The following DLGAP1 variants were observed in gnomAD, a reference collection of about 807,000 sequenced individuals.
DLGAP1 encodes the protein disks large-associated protein 1.
In DLGAP1, 11 loss-of-function variants were observed where a neutral mutation model predicts 90.8. That is an observed-to-expected ratio of 0.12 (90% CI 0.08 to 0.20). DLGAP1 has a LOEUF of 0.20. Ranked by LOEUF, DLGAP1 falls within the 10% of genes least tolerant of loss-of-function variation. The pLI is 1.00. For synonymous variants in DLGAP1, 558 were observed against 540.7 expected, an observed-to-expected ratio of 1.03 and a Z score of -0.44; for missense variants, 1,050 against 1,333.8, an observed-to-expected ratio of 0.79 and a Z score of 3.31.
At chr18:3,787,332 T>G (rs1318681669) in intron 5 of DLGAP1, among the ~76,000 whole-genome samples, 1 of 151,612 alleles carries the variant, frequency 6.6e-6, no homozygotes, top group Non-Finnish European at 1.5e-5. Flanking sequence ...AATACAAAAC[T>G]TAGCTAGGCG....
chr18:3,499,331 C>G lies in DLGAP1; in HGVS notation c.2788G>C (p.Glu930Gln). 1 of 1,563,396 alleles carries G rather than the reference C, an allele frequency of 6.4e-7. No individual in the cohort carries two copies. The highest frequency in any genetic ancestry group is 8.7e-7 in the Non-Finnish European group (1 of 1,155,002). ...CGCTGCGAGCTCTCCAGCGAGCGCTCCCGGATCAGCGGCGCGGGGCCCTTC... is the reference window on the plus strand; with the variant it reads ...CGCTGCGAGCTCTCCAGCGAGCGCTGCCGGATCAGCGGCGCGGGGCCCTTC... ...PAKGPAPLIR[E>Q]RSLESSQRQE... The change falls in exon 13 of 13, where the codon GAG becomes CAG. Residue 930 changes from glutamate to glutamine, a missense_variant. Physicochemically the swap from Glu to Gln is conservative, Grantham distance 29. Around this residue, in one of 2 missense-constraint regions of DLGAP1, gnomAD observed 565 missense variants for 879.7 expected, o/e 0.64. Coordinates refer to ENST00000315677, the MANE Select transcript of DLGAP1 (RefSeq NM_004746.4). This position sits in a 1 kb window ranked among gnomAD's most constrained non-coding sequence, Gnocchi z 6.4.
chr18:3,903,821 A>G (rs2071837372), intron 3 of DLGAP1, among the ~76,000 whole-genome samples: 1 of 152,228 alleles, frequency 6.6e-6, no homozygotes, highest in Non-Finnish European at 1.5e-5. Context: ...GTTTTGTTTC[A>G]TACCAGATGC....
intron 7 of DLGAP1, among the ~76,000 whole-genome samples, chr18:3,704,310 C>T (rs972689625): frequency 4.6e-5 from 7 of 152,182 alleles, no homozygotes; most frequent in Admixed American, 3.9e-4. Flanking sequence ...GTGGCTCATG[C>T]CTGTAATCCC....
chr18:4,112,665 T>C (rs988243377), intron 2 of DLGAP1, among the ~76,000 whole-genome samples: 5 of 152,186 alleles, frequency 3.3e-5, no homozygotes, highest in African/African-American at 1.2e-4. Flanking sequence ...GTTTGTTACC[T>C]GGGAATATTG....
At chr18:4,385,326 A>G (rs2082208284) in intron 1 of DLGAP1, among the ~76,000 whole-genome samples, 2 of 152,220 alleles carry the variant, frequency 1.3e-5, no homozygotes, top group Non-Finnish European at 2.9e-5. Context: ...ATTTGAGATC[A>G]TAGCTAGTGT....
At chr18:4,354,128 C>G (rs190866577) in intron 1 of DLGAP1, among the ~76,000 whole-genome samples, 113 of 152,290 alleles carry the variant, frequency 7.4e-4, no homozygotes, top group African/African-American at 2.6e-3. Context: ...CTGAAGGGGC[C>G]TCAAAAGCAA....
At chr18:3,893,493 C>T (rs1056355531) in intron 3 of DLGAP1, among the ~76,000 whole-genome samples, 9 of 151,718 alleles carry the variant, frequency 5.9e-5, no homozygotes, top group South Asian at 2.1e-4. Context: ...GTAGGAGAAT[C>T]GCTTGAACCT....
intron 7 of DLGAP1, among the ~76,000 whole-genome samples, chr18:3,643,065 G>A (rs1881735307): frequency 6.6e-6 from 1 of 152,170 alleles, no homozygotes; most frequent in Non-Finnish European, 1.5e-5. Context: ...GATTGTGTGA[G>A]TGAATTATGG....
At chr18:3,661,571 CTTTTT>C (rs10549959) in intron 7 of DLGAP1, among the ~76,000 whole-genome samples, 2 of 125,272 alleles carry the variant, frequency 1.6e-5, no homozygotes, top group African/African-American at 5.7e-5. Context: ...GCTGTAAGGT[CTTTTT>C]TTTTTTTTTT....
chr18:3,580,513 A>G (rs1182557203), intron 8 of DLGAP1: 1 of 1,597,388 alleles, frequency 6.3e-7, no homozygotes, highest in Non-Finnish European at 8.6e-7. Context: ...AGGAGGAGGA[A>G]GAGGAGGCGG....
chr18:4,105,948 C>T (rs1204293610), intron 2 of DLGAP1, among the ~76,000 whole-genome samples: 7 of 142,750 alleles, frequency 4.9e-5, no homozygotes, highest in South Asian at 2.3e-4. Context: ...AGGAGAATGG[C>T]GTGAACCCGG....
chr18:3,879,312 T>C lies in DLGAP1; in HGVS notation c.757A>G (p.Ser253Gly), dbSNP rs772425753. The C allele has an allele frequency of 8.1e-6, 13 of 1,599,996 alleles. No homozygotes were observed. Among genetic ancestry groups the C allele is most frequent in the Non-Finnish European group, 1.7e-6 (2 of 1,172,748 alleles). The change falls in exon 4 of 13, where the codon AGC (serine) becomes GGC (glycine). Residue 253 changes from serine (S) to glycine (G), a missense_variant. Transcript: ENST00000315677. This position sits in a 1 kb window ranked among gnomAD's most constrained non-coding sequence, Gnocchi z 6.6. ...GTGGAGCACTTGACGTCGTTGTTGC[T>C]CCGGGAGGCCTTCACCGCCTGCTCG... is the stretch of plus-strand genomic sequence containing the variant. ...ISEQAVKASRSNNDVKCSTCA... is the reference protein window; with the variant it reads ...ISEQAVKASRGNNDVKCSTCA...
intron 1 of DLGAP1, among the ~76,000 whole-genome samples, chr18:4,348,637 T>C (rs1024427124): frequency 6.6e-6 from 1 of 152,024 alleles, no homozygotes; most frequent in African/African-American, 2.4e-5. Context: ...ATTTTGGGAA[T>C]GGGTAGATAT....
intron 1 of DLGAP1, among the ~76,000 whole-genome samples, chr18:4,166,983 T>C (rs936719839): frequency 3.3e-5 from 5 of 152,226 alleles, no homozygotes; most frequent in Non-Finnish European, 5.9e-5. Flanking sequence ...ATGTACTTCA[T>C]ACCAGTGAAT....
chr18:3,902,857 T>C (rs1235911461), intron 3 of DLGAP1, among the ~76,000 whole-genome samples: 2 of 152,084 alleles, frequency 1.3e-5, no homozygotes, highest in African/African-American at 4.8e-5. Context: ...CTTCCTGGCC[T>C]TGAGCCTTCC....
At chr18:4,048,404 A>G (rs1316771494) in intron 2 of DLGAP1, among the ~76,000 whole-genome samples, 2 of 152,226 alleles carry the variant, frequency 1.3e-5, no homozygotes, top group Non-Finnish European at 1.5e-5. Context: ...ATTCTAAATT[A>G]CTTAGAGTTT....
chr18:4,112,056 G>T (rs2075982814), intron 2 of DLGAP1, among the ~76,000 whole-genome samples: 1 of 151,532 alleles, frequency 6.6e-6, no homozygotes. Context: ...CTTTTTTAAT[G>T]TAGGCACTTA....
At chr18:3,809,329 C>T (rs1411359249) in intron 5 of DLGAP1, among the ~76,000 whole-genome samples, 1 of 152,096 alleles carries the variant, frequency 6.6e-6, no homozygotes, top group Non-Finnish European at 1.5e-5. Flanking sequence ...AATCAATTTG[C>T]CAAAAGGCAC....
intron 1 of DLGAP1, among the ~76,000 whole-genome samples, chr18:4,350,039 A>G (rs1450109285): frequency 1.3e-5 from 2 of 152,178 alleles, no homozygotes; most frequent in African/African-American, 4.8e-5. Context: ...TGCAATTAAA[A>G]CCAAGTATTA....
Sources: gnomAD v4.1 joint callset for allele counts (sites outside exome capture counted in the v4.1 genomes callset) on GRCh38, gnomAD v4.1.1 for gene constraint, gnomAD v4.1.1 regional missense constraint, Gnocchi (gnomAD v3.1) non-coding constraint, MANE v1.5 for transcripts, NCBI Gene and HGNC (gene_info 2026-07-23, HGNC 2026-07-21) for gene names.